The following ZNF345 variants were observed in gnomAD, a reference collection of about 807,000 sequenced individuals.
ZNF345 encodes zinc finger protein 345, also known as zinc finger protein HZF10.
For missense variants in ZNF345, 527 were observed against 589.9 expected, an observed-to-expected ratio of 0.89 and a Z score of 1.10; for synonymous variants, 166 against 187.9, an observed-to-expected ratio of 0.88 and a Z score of 0.95.
At position 36,863,166 on chromosome 19, in the gene ZNF345, C is replaced by G. The variant is rs746156279; in HGVS notation, c.-47+11262C>G. Among the ~76,000 whole-genome samples, 29 of 152,230 alleles carry G rather than the reference C, an allele frequency of 1.9e-4. No homozygotes were observed. The Middle Eastern group carries it at 0.014, about 71-fold the overall frequency. On this transcript the variant is annotated intron_variant, in intron 2 of 2. Coordinates refer to ENST00000420450, the MANE Select transcript of ZNF345 (RefSeq NM_001242472.2). ...AAACTAATACGGTGAGTTATTTCCT[C>G]CTGGGTCATACTATATACTTGTCTC...
chr19:36,881,235 A>G (rs2072966277), downstream of ZNF345, among the ~76,000 whole-genome samples: 1 of 152,234 alleles, frequency 6.6e-6, no homozygotes, highest in Non-Finnish European at 1.5e-5. Flanking sequence ...ATTATGCTCA[A>G]AGATAATTTC....
At chr19:36,856,551 T>C (rs985487137) in intron 2 of ZNF345, among the ~76,000 whole-genome samples, 6 of 152,158 alleles carry the variant, frequency 3.9e-5, no homozygotes, top group African/African-American at 1.4e-4. Context: ...ATCAGATGTG[T>C]CACTTCTTAA....
intron 3 of ZNF345, chr19:36,889,789 A>G (rs2073033109): frequency 6.6e-6 from 1 of 151,582 alleles, no homozygotes; most frequent in Non-Finnish European, 1.5e-5. Flanking sequence ...GATATTTGTT[A>G]TTGCTTTTCT....
At position 36,852,374 on chromosome 19, in the gene ZNF345, G is replaced by A. The variant is rs189711432; in HGVS notation, c.-47+470G>A. 6.9e-4 allele frequency among the ~76,000 whole-genome samples: 105 copies of A among 151,824 alleles called. 1 individual carries two copies. The South Asian group carries it at 7.7e-3, about 11-fold the overall frequency. On this transcript the variant is annotated intron_variant, in intron 2 of 2. Coordinates refer to ENST00000420450, the MANE Select transcript of ZNF345 (RefSeq NM_001242472.2). ...ATGCCTGTAATCCCAGCACTTTGGG[G>A]GGCCAAGGCGGGCGGATCACGAGGT... is the stretch of plus-strand genomic sequence containing the variant.
chr19:36,893,053 G>C (rs969941332), downstream of ZNF345: 1 of 399,422 alleles, frequency 2.5e-6, no homozygotes, highest in African/African-American at 2.1e-5. Flanking sequence ...GATACTGTAT[G>C]TTTTGCAATT....
chr19:36,870,994 CTGTT>C (rs1268033609), intron 2 of ZNF345, among the ~76,000 whole-genome samples: 2 of 152,182 alleles, frequency 1.3e-5, no homozygotes, highest in Non-Finnish European at 2.9e-5. Flanking sequence ...TTTTCTTCCT[CTGTT>C]TGGGCCACTG....
chr19:36,868,162 C>T (rs1244060120), intron 2 of ZNF345, among the ~76,000 whole-genome samples: 1 of 151,928 alleles, frequency 6.6e-6, no homozygotes, highest in East Asian at 1.9e-4. Flanking sequence ...GCCACCACGC[C>T]CAGCTAATTT....
At position 36,876,856 on chromosome 19, in the gene ZNF345, T is replaced by C. The variant is rs1342804274; in HGVS notation, c.26T>C (p.Ile9Thr). The C allele has an allele frequency of 1.2e-6, 2 of 1,612,756 alleles. No individual in the cohort carries two copies. Among genetic ancestry groups the C allele is most frequent in the African/African-American group, 1.3e-5 (1 of 74,864 alleles). ...ATGGAAAACCTTACAAAACACAGCA[T>C]TGAGTGTTCAAGTTTCAGAGGTGAT... Reference protein sequence around the residue: MENLTKHSIECSSFRGDWE... With the variant: MENLTKHSTECSSFRGDWE... The change falls in exon 3 of 3, where the codon ATT becomes ACT. Residue 9 changes from isoleucine (I) to threonine (T), a missense_variant. Coordinates refer to ENST00000420450, the MANE Select transcript of ZNF345 (RefSeq NM_001242472.2).
chr19:36,884,523 T>G (rs1351448046), downstream of ZNF345, among the ~76,000 whole-genome samples: 1 of 152,186 alleles, frequency 6.6e-6, no homozygotes, highest in Non-Finnish European at 1.5e-5. Flanking sequence ...TGTGTACTGA[T>G]AAGTGTTGCA....
At chr19:36,886,314 T>TAA (rs1432186082) in intron 3 of ZNF345, among the ~76,000 whole-genome samples, 1 of 152,140 alleles carries the variant, frequency 6.6e-6, no homozygotes, top group Non-Finnish European at 1.5e-5. Flanking sequence ...GAGAAAAGAC[T>TAA]AAATTTACAC....
At chr19:36,882,117 T>G (rs1017721678), downstream of ZNF345, among the ~76,000 whole-genome samples, 3 of 152,132 alleles carry the variant, frequency 2.0e-5, no homozygotes, top group African/African-American at 7.2e-5. Context: ...GTTTGCTTTT[T>G]CTATTTCAAA....
intron 2 of ZNF345, among the ~76,000 whole-genome samples, chr19:36,856,456 AT>A (rs1042729124): frequency 6.6e-6 from 1 of 151,390 alleles, no homozygotes; most frequent in South Asian, 2.1e-4. Flanking sequence ...ATATATTTGA[AT>A]TTTTTTTCAG....
Position 36,878,130 on chromosome 19 carries a change from G to A in ZNF345, c.1300G>A (p.Ala434Thr), listed in dbSNP as rs776924968. The A allele has an allele frequency of 6.2e-7, 1 of 1,614,078 alleles. No homozygotes were observed. The highest frequency in any genetic ancestry group is 1.1e-5 in the South Asian group (1 of 91,080). The change falls in exon 3 of 3, where the codon GCT becomes ACT. Residue 434 changes from alanine (A) to threonine (T), a missense_variant. Ala to Thr is a moderately conservative substitution (Grantham distance 58). Transcript: ENST00000420450. ...KPYECKECGK[A>T]FYSGSSLTQH... ...CTATGAATGTAAGGAGTGTGGGAAG[G>A]CTTTTTATAGTGGCTCAAGCCTTAC... is the stretch of plus-strand genomic sequence containing the variant.
intron 3 of ZNF345, chr19:36,892,141 C>G (rs970447971): frequency 6.2e-7 from 1 of 1,613,940 alleles, no homozygotes; most frequent in Non-Finnish European, 8.5e-7. Context: ...AGCCTTGCCA[C>G]ATTCCTTACA....
At chr19:36,885,980 A>G (rs2072993936) in intron 3 of ZNF345, among the ~76,000 whole-genome samples, 1 of 152,182 alleles carries the variant, frequency 6.6e-6, no homozygotes, top group African/African-American at 2.4e-5. Context: ...ATAATAACCT[A>G]ATTTGTCTGT....
At position 36,859,069 on chromosome 19, in the gene ZNF345, C is replaced by G. The variant is rs527709091; in HGVS notation, c.-47+7165C>G. Reference sequence around the variant, plus strand: ...AAGTATATGGTACATACACATACCACGTTTAATCAGCAGTCTTCTTTTTAA... The same window carrying G: ...AAGTATATGGTACATACACATACCAGGTTTAATCAGCAGTCTTCTTTTTAA... On this transcript the variant is annotated intron_variant, in intron 2 of 2. Coordinates refer to ENST00000420450, the MANE Select transcript of ZNF345 (RefSeq NM_001242472.2). 1.4e-4 allele frequency among the ~76,000 whole-genome samples: 21 copies of G among 149,752 alleles called. No homozygotes were observed. The East Asian group carries it at 3.7e-3, about 26-fold the overall frequency.
chr19:36,853,463 G>T (rs2072334912), intron 2 of ZNF345, among the ~76,000 whole-genome samples: 1 of 151,888 alleles, frequency 6.6e-6, no homozygotes, highest in South Asian at 2.1e-4. Flanking sequence ...GGTCAGGCTG[G>T]CCTGGAACTA....
At chr19:36,874,504 A>AG (rs34257728) in intron 2 of ZNF345, among the ~76,000 whole-genome samples, 22,561 of 144,808 alleles carry the variant, frequency 0.16, 2,196 homozygotes, top group African/African-American at 0.25. Context: ...AAAAAAAAAA[A>AG]AGGGGGGTGG....
At chr19:36,862,771 A>G (rs142390952) in intron 2 of ZNF345, 1 of 152,234 alleles carries the variant, frequency 6.6e-6, no homozygotes, top group African/African-American at 2.4e-5. Flanking sequence ...AATGGGCTCA[A>G]TTGTGTCCCT....
Sources: allele counts gnomAD v4.1 joint callset (sites outside exome capture counted in the v4.1 genomes callset), GRCh38; gene constraint gnomAD v4.1.1; transcripts MANE v1.5; gene names NCBI Gene and HGNC (gene_info 2026-07-23, HGNC 2026-07-21).